Variants in RAB38 observed in about 807,000 individuals in gnomAD.
RAB38 encodes the protein RAB38, member RAS oncogene family.
A neutral mutation model predicts 18.4 loss-of-function variants in RAB38; 15 were observed. That is an observed-to-expected ratio of 0.82 (90% CI 0.55 to 1.26). The LOEUF (loss-of-function observed/expected upper bound fraction) is 1.26, where lower values mean the gene tolerates loss of function less well. RAB38 is among the 50% of genes most tolerant of loss of function. The pLI is 0.00. For missense variants in RAB38, 294 were observed against 267.4 expected, an observed-to-expected ratio of 1.10 and a Z score of -0.69; for synonymous variants, 101 against 104.4, an observed-to-expected ratio of 0.97 and a Z score of 0.20.
chr11:87,827,843 C>T, the RAB38 span, among the ~76,000 whole-genome samples: 16 of 152,106 alleles, frequency 1.1e-4, no homozygotes, highest in African/African-American at 2.2e-4. Flanking sequence ...TACGAAATAG[C>T]GAAGGAAGTT....
At chr11:87,928,216 A>C in the RAB38 span, among the ~76,000 whole-genome samples, 3,368 of 152,192 alleles carry the variant, frequency 0.022, 128 homozygotes, top group African/African-American at 0.078. Flanking sequence ...TTTAACTATT[A>C]GTAGTATTTT....
chr11:87,934,430 A>C, the RAB38 span, among the ~76,000 whole-genome samples: 4 of 152,158 alleles, frequency 2.6e-5, no homozygotes, highest in South Asian at 8.3e-4. Flanking sequence ...TTATATGCTA[A>C]CCTCATAGGT....
chr11:87,818,131 A>T, the RAB38 span, among the ~76,000 whole-genome samples: 1 of 152,174 alleles, frequency 6.6e-6, no homozygotes, highest in Non-Finnish European at 1.5e-5. Flanking sequence ...CTCCATTTCC[A>T]GAGTTTCTTT....
At chr11:87,948,690 G>GATTAC in the RAB38 span, among the ~76,000 whole-genome samples, 29,857 of 129,380 alleles carry the variant, frequency 0.23, 4,087 homozygotes, top group South Asian at 0.33. Flanking sequence ...TTATATGCTG[G>GATTAC]ATTTATTGAT....
chr11:88,037,351 A>C, the RAB38 span, among the ~76,000 whole-genome samples: 18,523 of 152,108 alleles, frequency 0.12, 1,478 homozygotes, highest in South Asian at 0.21. Flanking sequence ...TTGCATAATT[A>C]CATAATAGTG....
chr11:88,130,970 G>C (rs1356122489), intron 2 of RAB38, among the ~76,000 whole-genome samples: 1 of 152,012 alleles, frequency 6.6e-6, no homozygotes, highest in Non-Finnish European at 1.5e-5. Context: ...TTGAAAATAT[G>C]TGATAAGAAC....
the RAB38 span, among the ~76,000 whole-genome samples, chr11:87,853,625 A>G: frequency 6.6e-6 from 1 of 151,218 alleles, no homozygotes; most frequent in Admixed American, 6.6e-5. Context: ...TGAAAGCTTA[A>G]CTGGAGCAGA....
At chr11:88,052,917 T>TCATATATATATATTTC in the RAB38 span, among the ~76,000 whole-genome samples, 10 of 14,036 alleles carry the variant, frequency 7.1e-4, no homozygotes, top group Non-Finnish European at 1.4e-3. Flanking sequence ...TATATATATA[T>TCATATATATATATTTC]ATATATATAT....
chr11:87,900,665 A>AAGGT, the RAB38 span, among the ~76,000 whole-genome samples: 1 of 82,376 alleles, frequency 1.2e-5, no homozygotes, highest in African/African-American at 5.3e-5. Context: ...GAAAGGTAGG[A>AAGGT]AGGAAGGAAG....
the RAB38 span, among the ~76,000 whole-genome samples, chr11:87,877,628 A>G: frequency 1.3e-5 from 2 of 151,466 alleles, no homozygotes; most frequent in African/African-American, 4.8e-5. Flanking sequence ...GACTGTGTCT[A>G]CCTTCCTCTT....
At chr11:87,875,576 C>A in the RAB38 span, among the ~76,000 whole-genome samples, 1 of 151,288 alleles carries the variant, frequency 6.6e-6, no homozygotes, top group South Asian at 2.1e-4. Context: ...TAATTTATAT[C>A]TTTGTAGTAC....
At chr11:88,011,442 T>G in the RAB38 span, among the ~76,000 whole-genome samples, 1 of 152,198 alleles carries the variant, frequency 6.6e-6, no homozygotes, top group Non-Finnish European at 1.5e-5. Flanking sequence ...TTTGTAAAGG[T>G]AGACTGACCT....
chr11:88,025,333 G>A, the RAB38 span, among the ~76,000 whole-genome samples: 5,058 of 151,848 alleles, frequency 0.033, 224 homozygotes, highest in South Asian at 0.076. Flanking sequence ...ATAGTACAGC[G>A]ATGAACACAT....
the RAB38 span, among the ~76,000 whole-genome samples, chr11:87,868,952 G>A: frequency 6.6e-6 from 1 of 151,586 alleles, no homozygotes; most frequent in African/African-American, 2.4e-5. Context: ...CTGGCCCAAA[G>A]GTGAAACCAA....
chr11:87,963,612 C>T, the RAB38 span, among the ~76,000 whole-genome samples: 1 of 151,134 alleles, frequency 6.6e-6, no homozygotes, highest in Non-Finnish European at 1.5e-5. Flanking sequence ...ATTCCTAATA[C>T]GTAGAGATAG....
the RAB38 span, among the ~76,000 whole-genome samples, chr11:87,890,966 T>TAAGA: frequency 6.6e-6 from 1 of 151,634 alleles, no homozygotes; most frequent in Admixed American, 6.6e-5. Context: ...AAACCAAGAG[T>TAAGA]AAGACCCTTC....
At chr11:88,008,143 T>C in the RAB38 span, among the ~76,000 whole-genome samples, 1 of 152,268 alleles carries the variant, frequency 6.6e-6, no homozygotes, top group East Asian at 1.9e-4. Flanking sequence ...ATCAGGATGT[T>C]GGTTAGATAT....
the RAB38 span, chr11:87,816,578 C>T: frequency 6.6e-6 from 1 of 152,012 alleles, no homozygotes; most frequent in African/African-American, 2.4e-5. Context: ...TAGGATCTCT[C>T]TCTCTCCTCA....
chr11:87,950,281 C>G, the RAB38 span, among the ~76,000 whole-genome samples: 34 of 152,200 alleles, frequency 2.2e-4, no homozygotes, highest in African/African-American at 8.2e-4. Flanking sequence ...CTATGTGTGT[C>G]TCTGCACGTG....
Sources: allele counts gnomAD v4.1 joint callset (sites outside exome capture counted in the v4.1 genomes callset), GRCh38; gene constraint gnomAD v4.1.1; transcripts MANE v1.5; gene names NCBI Gene and HGNC (gene_info 2026-07-23, HGNC 2026-07-21).